The following HIVEP1 variants were observed in gnomAD, a reference collection of about 807,000 sequenced individuals.
The protein encoded by HIVEP1 is zinc finger protein 40.
In HIVEP1, 36 loss-of-function variants were observed where a neutral mutation model predicts 180.0. The observed-to-expected ratio is 0.20, with a 90% CI of 0.15 to 0.26. HIVEP1 has a LOEUF of 0.26. HIVEP1 is among the 10% of genes least tolerant of loss of function. The pLI, the probability that HIVEP1 is intolerant of heterozygous loss-of-function variation, is 1.00. For synonymous variants in HIVEP1, 1,239 were observed against 1,239.0 expected (o/e 1.00, Z 0.00); for missense variants, 3,143 against 3,268.7 (o/e 0.96, Z 0.94).
chr6:12,040,915 G>C (rs948832565), intron 2 of HIVEP1, among the ~76,000 whole-genome samples: 1 of 152,116 alleles, frequency 6.6e-6, no homozygotes, highest in Non-Finnish European at 1.5e-5. Flanking sequence ...TAAACAACCA[G>C]ATCTCAGGAG....
the HIVEP1 span, among the ~76,000 whole-genome samples, chr6:12,178,705 G>A: frequency 6.6e-6 from 1 of 152,092 alleles, no homozygotes; most frequent in South Asian, 2.1e-4. Flanking sequence ...ATTTATTAGA[G>A]CTACACGTGC....
chr6:12,079,463 TCCTC>T (rs1561919576), intron 2 of HIVEP1, among the ~76,000 whole-genome samples: 1 of 152,178 alleles, frequency 6.6e-6, no homozygotes, highest in Non-Finnish European at 1.5e-5. Flanking sequence ...TTCCTTATCT[TCCTC>T]AGTATCCACT....
chr6:12,092,979 G>T (rs1773573480), intron 3 of HIVEP1, among the ~76,000 whole-genome samples: 1 of 152,130 alleles, frequency 6.6e-6, no homozygotes, highest in Admixed American at 6.5e-5. Flanking sequence ...GTGTGATGAA[G>T]TATTTGCCTT....
chr6:12,168,856 T>C (rs1370211076), downstream of HIVEP1, among the ~76,000 whole-genome samples: 4 of 152,154 alleles, frequency 2.6e-5, no homozygotes, highest in South Asian at 2.1e-4. Context: ...GGCTAAGCTA[T>C]GTTGTTCAGT....
chr6:12,124,384 C>T lies in HIVEP1; in HGVS notation c.4589C>T (p.Ser1530Phe). The change falls in exon 4 of 9, where the codon TCT becomes TTT. Residue 1530 changes from serine (S) to phenylalanine (F), a missense_variant. This residue lies in a region of HIVEP1 where 1,357 missense variants were observed against 1,260.5 expected (regional missense o/e 1.08). Transcript: ENST00000379388. ...APPSHQSTQL[S>F]LQVSTQGSKP... Reference sequence around the variant, plus strand: ...CCTAGCCACCAGAGCACACAGCTATCTCTGCAAGTGTCTACGCAGGGTAGC... The same window carrying T: ...CCTAGCCACCAGAGCACACAGCTATTTCTGCAAGTGTCTACGCAGGGTAGC... 3 of 1,614,110 alleles carry T rather than the reference C, an allele frequency of 1.9e-6. No homozygotes were observed. Among genetic ancestry groups the T allele is most frequent in the Non-Finnish European group, 2.5e-6 (3 of 1,179,998 alleles).
intron 6 of HIVEP1, among the ~76,000 whole-genome samples, chr6:12,131,240 T>C (rs1435754954): frequency 1.3e-5 from 2 of 151,936 alleles, no homozygotes; most frequent in Non-Finnish European, 2.9e-5. Context: ...ATGACTAATA[T>C]ACCTTTTCAA....
intron 2 of HIVEP1, among the ~76,000 whole-genome samples, chr6:12,034,724 C>G (rs1242244392): frequency 6.6e-6 from 1 of 152,156 alleles, no homozygotes; most frequent in Non-Finnish European, 1.5e-5. Context: ...TTCGTAAAAC[C>G]TATGCATGTA....
At chr6:12,146,044 A>G (rs1759354604) in intron 7 of HIVEP1, among the ~76,000 whole-genome samples, 1 of 152,246 alleles carries the variant, frequency 6.6e-6, no homozygotes, top group Non-Finnish European at 1.5e-5. Flanking sequence ...ATGATCTCTG[A>G]CAGGAGAAAT....
intron 2 of HIVEP1, among the ~76,000 whole-genome samples, chr6:12,073,978 G>T (rs943330387): frequency 3.9e-5 from 6 of 152,134 alleles, no homozygotes; most frequent in Non-Finnish European, 1.5e-5. Flanking sequence ...CACTACTGCT[G>T]GGAACAAAAG....
chr6:12,139,553 C>T (rs554581100), intron 7 of HIVEP1, among the ~76,000 whole-genome samples: 3 of 152,366 alleles, frequency 2.0e-5, no homozygotes, highest in African/African-American at 2.4e-5. Context: ...CCAGGAAGCA[C>T]AAGGGGTCAG....
chr6:12,074,652 G>GTGCA (rs1772230843), intron 2 of HIVEP1, among the ~76,000 whole-genome samples: 1 of 151,692 alleles, frequency 6.6e-6, no homozygotes, highest in East Asian at 1.9e-4. Flanking sequence ...GTGCGCGCGC[G>GTGCA]TGCATGTCCT....
intron 2 of HIVEP1, among the ~76,000 whole-genome samples, chr6:12,072,610 G>C (rs968544889): frequency 6.6e-6 from 1 of 152,060 alleles, no homozygotes; most frequent in African/African-American, 2.4e-5. Flanking sequence ...ATCTGTGTTA[G>C]ATTACATGAT....
At chr6:12,079,590 C>G (rs1288026801) in intron 2 of HIVEP1, among the ~76,000 whole-genome samples, 3 of 152,114 alleles carry the variant, frequency 2.0e-5, no homozygotes, top group South Asian at 4.1e-4. Context: ...TAACTACTTG[C>G]ATTTTATACA....
At chr6:12,209,411 C>T in the HIVEP1 span, among the ~76,000 whole-genome samples, 2 of 152,128 alleles carry the variant, frequency 1.3e-5, no homozygotes, top group African/African-American at 4.8e-5. Flanking sequence ...CCAGCCTGGG[C>T]GACAGAATGA....
intron 6 of HIVEP1, among the ~76,000 whole-genome samples, chr6:12,133,971 G>A (rs570183701): frequency 1.3e-4 from 19 of 148,372 alleles, no homozygotes; most frequent in Non-Finnish European, 1.8e-4. Context: ...GTAAGACTCC[G>A]TCTCAACCAA....
the HIVEP1 span, among the ~76,000 whole-genome samples, chr6:12,201,532 T>G: frequency 3.9e-5 from 6 of 152,116 alleles, no homozygotes; most frequent in Non-Finnish European, 8.8e-5. Flanking sequence ...TGAACATGTA[T>G]AAGGCACGGT....
chr6:12,206,684 G>A, the HIVEP1 span, among the ~76,000 whole-genome samples: 1 of 152,166 alleles, frequency 6.6e-6, no homozygotes, highest in African/African-American at 2.4e-5. Context: ...CAACCAGTCT[G>A]TGGTGCTTTG....
intron 2 of HIVEP1, among the ~76,000 whole-genome samples, chr6:12,037,413 C>G (rs1416620258): frequency 6.6e-6 from 1 of 152,132 alleles, no homozygotes; most frequent in Non-Finnish European, 1.5e-5. Context: ...ATATATTGAT[C>G]AGCGATGATT....
At chr6:12,061,951 G>T (rs1194462582) in intron 2 of HIVEP1, among the ~76,000 whole-genome samples, 2 of 152,162 alleles carry the variant, frequency 1.3e-5, no homozygotes, top group African/African-American at 4.8e-5. Flanking sequence ...AAATTTGAAT[G>T]AGAGCCAAGT....
Sources: allele counts gnomAD v4.1 joint callset (sites outside exome capture counted in the v4.1 genomes callset), GRCh38; gene constraint gnomAD v4.1.1; regional missense constraint gnomAD v4.1.1; transcripts MANE v1.5; gene names NCBI Gene and HGNC (gene_info 2026-07-23, HGNC 2026-07-21).